Variants in SORCS3 observed in about 807,000 individuals in gnomAD.
SORCS3 encodes the protein VPS10 domain-containing receptor SorCS3.
SORCS3 carries 57 observed loss-of-function variants against 146.3 expected under a neutral mutation model. The ratio of observed to expected loss-of-function variants is 0.39; its 90% CI spans 0.31 to 0.49. The LOEUF (loss-of-function observed/expected upper bound fraction) is 0.49, where lower values mean the gene tolerates loss of function less well. Among genes scored for constraint, SORCS3 ranks in the 20% least tolerant of loss-of-function variants. SORCS3 has a pLI of 0.92. For synonymous variants in SORCS3, 653 were observed against 618.5 expected (o/e 1.06, Z -0.83); for missense variants, 1,341 against 1,575.5 (o/e 0.85, Z 2.52).
intron 14 of SORCS3, among the ~76,000 whole-genome samples, chr10:105,194,562 T>C (rs2056534165): frequency 6.6e-6 from 1 of 152,180 alleles, no homozygotes; most frequent in Non-Finnish European, 1.5e-5. Flanking sequence ...TAAGAATTCG[T>C]TTCTCTTTGC....
intron 5 of SORCS3, among the ~76,000 whole-genome samples, chr10:105,082,311 C>T (rs1288692446): frequency 1.3e-5 from 2 of 152,100 alleles, no homozygotes; most frequent in East Asian, 3.9e-4. Flanking sequence ...CCTTGAAAAA[C>T]ACTACCATTA....
intron 6 of SORCS3, among the ~76,000 whole-genome samples, chr10:105,092,633 A>G (rs553493272): frequency 6.6e-6 from 1 of 151,940 alleles, no homozygotes; most frequent in East Asian, 1.9e-4. Flanking sequence ...ACACACACAC[A>G]CACACATCTC....
intron 1 of SORCS3, among the ~76,000 whole-genome samples, chr10:104,796,581 C>T (rs998006294): frequency 1.3e-5 from 2 of 152,040 alleles, no homozygotes; most frequent in Non-Finnish European, 2.9e-5. Flanking sequence ...GCAGGTGATA[C>T]TGTTTTTCCA....
rs1564793916 is a variant in SORCS3, at chr10:105,242,859, AT to A, written c.2869-2682del. On this transcript the variant is annotated intron_variant, in intron 20 of 26. Coordinates refer to ENST00000369701, the MANE Select transcript of SORCS3 (RefSeq NM_014978.3). ...ATATATATTTTTATATATAAATTAT[AT>A]ATATATTTTTATATATAAATTATAT... is the stretch of plus-strand genomic sequence containing the variant. 3.8e-5 allele frequency among the ~76,000 whole-genome samples: 4 copies of A among 104,514 alleles called. No individual in the cohort carries two copies. The East Asian group carries it at 1.0e-3, about 27-fold the overall frequency. 68.6% of individuals were successfully genotyped at this position (104,514 alleles called of 152,430 possible).
chr10:104,870,300 C>T (rs1407501076), intron 2 of SORCS3, among the ~76,000 whole-genome samples: 4 of 152,174 alleles, frequency 2.6e-5, no homozygotes, highest in Non-Finnish European at 4.4e-5. Flanking sequence ...AACACTGATC[C>T]ACCTTTAGTA....
intron 1 of SORCS3, among the ~76,000 whole-genome samples, chr10:104,833,848 C>G (rs2018035810): frequency 6.6e-6 from 1 of 152,152 alleles, no homozygotes; most frequent in Non-Finnish European, 1.5e-5. Context: ...TTTGACTTCT[C>G]CATTTGAATG....
At chr10:104,642,022 G>GGGGGGGCCGCCC in intron 1 of SORCS3, 68 bp downstream of exon 1, 2 of 173,336 alleles carry the variant, frequency 1.2e-5, no homozygotes, top group Non-Finnish European at 2.2e-5. Flanking sequence ...GGGTGGGTGG[G>GGGGGGGCCGCCC]AGCGAGGGAC....
chr10:104,692,108 C>A (rs1009314695), intron 1 of SORCS3, among the ~76,000 whole-genome samples: 3 of 151,976 alleles, frequency 2.0e-5, no homozygotes, highest in Non-Finnish European at 4.4e-5. Context: ...CTGTCAGCAA[C>A]CTGGCAGCCT....
intron 1 of SORCS3, among the ~76,000 whole-genome samples, chr10:104,736,094 G>A (rs1427897714): frequency 6.6e-6 from 1 of 152,138 alleles, no homozygotes; most frequent in East Asian, 1.9e-4. Context: ...GGGCTGCCCA[G>A]GAATCCAGTT....
intron 14 of SORCS3, among the ~76,000 whole-genome samples, chr10:105,186,510 CTG>C (rs1491104479): frequency 7.1e-6 from 1 of 140,888 alleles, no homozygotes; most frequent in Non-Finnish European, 1.6e-5. Context: ...AAGTAGGAAA[CTG>C]AGAAATGTCA....
intron 1 of SORCS3, among the ~76,000 whole-genome samples, chr10:104,671,317 T>G (rs2015849673): frequency 7.2e-6 from 1 of 138,960 alleles, no homozygotes; most frequent in Admixed American, 7.9e-5. Context: ...GGTAGTTTCA[T>G]TCTTTTCCTT....
chr10:104,699,714 T>C (rs1387219099), intron 1 of SORCS3, among the ~76,000 whole-genome samples: 1 of 152,204 alleles, frequency 6.6e-6, no homozygotes, highest in East Asian at 1.9e-4. Flanking sequence ...ATATGGGGTC[T>C]TTAATGTCAG....
chr10:104,918,910 T>C (rs555698900), intron 3 of SORCS3, among the ~76,000 whole-genome samples: 1 of 152,356 alleles, frequency 6.6e-6, no homozygotes, highest in Non-Finnish European at 1.5e-5. Flanking sequence ...TTTGTATCTG[T>C]TTTGGAATTC....
intron 19 of SORCS3, among the ~76,000 whole-genome samples, chr10:105,220,926 C>G (rs1192602313): frequency 6.6e-6 from 1 of 152,088 alleles, no homozygotes; most frequent in Admixed American, 6.6e-5. Flanking sequence ...AATAAGTCAA[C>G]CTTCAACCAG....
At chr10:105,117,063 A>C (rs1259966948) in intron 7 of SORCS3, among the ~76,000 whole-genome samples, 3 of 152,098 alleles carry the variant, frequency 2.0e-5, no homozygotes, top group Non-Finnish European at 4.4e-5. Context: ...AACAAAACTA[A>C]TGGATCAGTA....
At chr10:104,992,562 G>T (rs73351649) in intron 4 of SORCS3, among the ~76,000 whole-genome samples, 8,104 of 152,266 alleles carry the variant, frequency 0.053, 246 homozygotes, top group Middle Eastern at 0.082. Flanking sequence ...TAGCTTGGAG[G>T]ATAAAGTGAA....
intron 16 of SORCS3, among the ~76,000 whole-genome samples, chr10:105,209,074 G>A (rs913455711): frequency 1.3e-5 from 2 of 152,168 alleles, no homozygotes; most frequent in South Asian, 4.1e-4. Context: ...CCACATTGTA[G>A]CATCAGTTAT....
intron 2 of SORCS3, among the ~76,000 whole-genome samples, chr10:104,857,299 T>C (rs967139798): frequency 6.6e-6 from 1 of 152,014 alleles, no homozygotes; most frequent in African/African-American, 2.4e-5. Flanking sequence ...TTGAAATCTT[T>C]TCTGTGGAGT....
chr10:105,252,988 G>A (rs2056910256), intron 23 of SORCS3, 82 bp downstream of exon 23: 7 of 1,505,594 alleles, frequency 4.6e-6, no homozygotes, highest in Non-Finnish European at 6.3e-6. Context: ...AGCCAGAAAG[G>A]GAGACAGGCT....
Sources: allele counts gnomAD v4.1 joint callset (sites outside exome capture counted in the v4.1 genomes callset), GRCh38; gene constraint gnomAD v4.1.1; transcripts MANE v1.5; gene names NCBI Gene and HGNC (gene_info 2026-07-23, HGNC 2026-07-21).